UGT1A8: variants seen among roughly 807,000 people sequenced by gnomAD.
UGT1A8 encodes UDP glucuronosyltransferase family 1 member A8.
Under a neutral mutation model 45.3 loss-of-function variants are expected in UGT1A8, and 39 were observed. The ratio of observed to expected loss-of-function variants is 0.86; its 90% confidence interval spans 0.67 to 1.12. The LOEUF is 1.12. UGT1A8 is among the 50% of genes most tolerant of loss of function. UGT1A8 has a pLI of 0.00. For synonymous variants in UGT1A8, 275 were observed against 249.2 expected (o/e 1.10, Z -0.97); for missense variants, 719 against 664.9 (o/e 1.08, Z -0.90).
At chr2:233,713,422 C>T (rs1163923876) in intron 1 of UGT1A8, 2 of 1,614,168 alleles carry the variant, frequency 1.2e-6, no homozygotes, top group Admixed American at 3.3e-5. Flanking sequence ...CTGCATGCTA[C>T]TTCCTTTGAT....
chr2:233,632,018 G>A (rs1327182298), intron 1 of UGT1A8, among the ~76,000 whole-genome samples: 2 of 152,136 alleles, frequency 1.3e-5, no homozygotes, highest in African/African-American at 2.4e-5. Context: ...TGTATAAGGT[G>A]TAAGGAAGGG....
intron 1 of UGT1A8, chr2:233,718,687 G>C (rs878940196): frequency 1.1e-5 from 18 of 1,583,966 alleles, no homozygotes; most frequent in Admixed American, 9.0e-5. Context: ...TAAGTAACTG[G>C]AGGAGGGCAC....
intron 1 of UGT1A8, chr2:233,693,473 G>T: frequency 6.2e-7 from 1 of 1,614,174 alleles, no homozygotes; most frequent in Non-Finnish European, 8.5e-7. Flanking sequence ...ACCCTGTGGG[G>T]TGATCCTGGC....
chr2:233,620,479 A>G (rs1248411887), intron 1 of UGT1A8, among the ~76,000 whole-genome samples: 1 of 152,180 alleles, frequency 6.6e-6, no homozygotes, highest in African/African-American at 2.4e-5. Context: ...ATAAAAAAGT[A>G]TATATGATTT....
intron 1 of UGT1A8, among the ~76,000 whole-genome samples, chr2:233,748,374 A>G (rs1187650500): frequency 2.6e-5 from 4 of 151,848 alleles, no homozygotes; most frequent in African/African-American, 9.7e-5. Flanking sequence ...ATGGTTGTGC[A>G]TGTCCTTCAT....
chr2:233,705,135 TG>T (rs2075825979), intron 1 of UGT1A8, among the ~76,000 whole-genome samples: 2 of 98,450 alleles, frequency 2.0e-5, no homozygotes, highest in African/African-American at 1.2e-4. Context: ...AGACTTCGTC[TG>T]AAAAAAAAAA....
chr2:233,713,567 C>T (rs1231652913), intron 1 of UGT1A8: 11 of 1,613,854 alleles, frequency 6.8e-6, no homozygotes, highest in African/African-American at 1.3e-5. Context: ...ACCCTTCCTC[C>T]TATATTCCTA....
At chr2:233,649,641 G>C in intron 1 of UGT1A8, among the ~76,000 whole-genome samples, 1 of 152,144 alleles carries the variant, frequency 6.6e-6, no homozygotes, top group Non-Finnish European at 1.5e-5. Flanking sequence ...TTTAATAATT[G>C]CATAAAAGTC....
intron 1 of UGT1A8, chr2:233,760,247 T>TAA: frequency 6.2e-7 from 1 of 1,608,794 alleles, no homozygotes; most frequent in Non-Finnish European, 8.5e-7. Flanking sequence ...TATATATATA[T>TAA]AAGTAGGAGA....
intron 1 of UGT1A8, chr2:233,729,382 C>T (rs775388472): frequency 6.2e-7 from 1 of 1,613,960 alleles, no homozygotes; most frequent in South Asian, 1.1e-5. Context: ...TTCGTGGACC[C>T]AGGATGAATT....
chr2:233,754,024 C>T (rs763970261), intron 1 of UGT1A8, among the ~76,000 whole-genome samples: 4 of 152,198 alleles, frequency 2.6e-5, no homozygotes, highest in Non-Finnish European at 5.9e-5. Flanking sequence ...TGATAGGAAA[C>T]GAATGCATCC....
At chr2:233,761,124 C>G (rs1406825274) in intron 1 of UGT1A8, 1 of 1,614,202 alleles carries the variant, frequency 6.2e-7, no homozygotes. Flanking sequence ...GTGGAATCAA[C>G]TGCCTTCACC....
In UGT1A8 at chr2:233,760,531, C is replaced by T. The variant is rs1397137648; in HGVS notation, c.856-6503C>T. 4 of 1,614,130 alleles carry T rather than the reference C, an allele frequency of 2.5e-6. No homozygotes were observed. Among genetic ancestry groups the T allele is most frequent in the Non-Finnish European group, 3.4e-6 (4 of 1,180,056 alleles). ...TTACACCTTGAAGACGTACCCTGTG[C>T]CATTCCAAAGGGAGGATGTGAAAGA... is the stretch of plus-strand genomic sequence containing the variant. On this transcript the variant is annotated intron_variant, in intron 1 of 4. Coordinates refer to ENST00000373450, the MANE Select transcript of UGT1A8 (RefSeq NM_019076.5).
intron 1 of UGT1A8, chr2:233,671,924 G>A: frequency 1.3e-6 from 2 of 1,597,406 alleles, no homozygotes; most frequent in Non-Finnish European, 1.7e-6. Flanking sequence ...GCTCTCAGCT[G>A]CAGTTCTCTG....
intron 1 of UGT1A8, chr2:233,738,880 T>G (rs1690926968): frequency 6.6e-6 from 1 of 152,168 alleles, no homozygotes; most frequent in Admixed American, 6.5e-5. Context: ...CCAGGGCATG[T>G]CAGAGACCTT....
chr2:233,690,785 A>G, intron 1 of UGT1A8: 5 of 1,137,854 alleles, frequency 4.4e-6, no homozygotes, highest in Non-Finnish European at 4.4e-6. Flanking sequence ...ATACACACAC[A>G]CACACACACA....
chr2:233,740,376 T>C lies in UGT1A8; in HGVS notation c.856-26658T>C, dbSNP rs543256832. On this transcript the variant is annotated intron_variant, in intron 1 of 4. Coordinates refer to ENST00000373450, the MANE Select transcript of UGT1A8 (RefSeq NM_019076.5). Reference sequence around the variant, plus strand: ...AATTAGAAATTCCTAGAAAGGTAAGTTGTTGTGTGAATTATTTCCCAAAAT... The same window carrying C: ...AATTAGAAATTCCTAGAAAGGTAAGCTGTTGTGTGAATTATTTCCCAAAAT... 9.3e-4 allele frequency among the ~76,000 whole-genome samples: 142 copies of C among 151,968 alleles called. No homozygotes were observed. In the South Asian group the frequency reaches 0.011, roughly 12 times the overall value.
chr2:233,620,596 G>A (rs2072984236), intron 1 of UGT1A8, among the ~76,000 whole-genome samples: 1 of 152,254 alleles, frequency 6.6e-6, no homozygotes, highest in Non-Finnish European at 1.5e-5. Flanking sequence ...AAATAAATGT[G>A]TTTCTATATC....
chr2:233,657,582 T>C (rs2073883042), intron 1 of UGT1A8, among the ~76,000 whole-genome samples: 3 of 152,222 alleles, frequency 2.0e-5, no homozygotes, highest in Middle Eastern at 3.2e-3. Flanking sequence ...GTAACCCAGA[T>C]ACCTCCCACT....
Sources: allele counts gnomAD v4.1 joint callset (sites outside exome capture counted in the v4.1 genomes callset), GRCh38; gene constraint gnomAD v4.1.1; transcripts MANE v1.5; gene names NCBI Gene and HGNC (gene_info 2026-07-23, HGNC 2026-07-21).